POU6F2: variants seen among roughly 807,000 people sequenced by gnomAD.
POU6F2 encodes POU class 6 homeobox 2, also known as POU domain, class 6, transcription factor 2.
In POU6F2, 31 loss-of-function variants were observed where a neutral mutation model predicts 71.3. The ratio of observed to expected loss-of-function variants is 0.43; its 90% confidence interval spans 0.33 to 0.59. POU6F2 has a LOEUF of 0.59. POU6F2 is among the 20% of genes least tolerant of loss of function. The pLI is 0.04. For synonymous variants in POU6F2, 347 were observed against 355.7 expected (o/e 0.98, Z 0.27); for missense variants, 783 against 856.8 (o/e 0.91, Z 1.07).
chr7:39,456,755 CAG>C (rs1273726668), intron 8 of POU6F2, among the ~76,000 whole-genome samples: 3 of 152,200 alleles, frequency 2.0e-5, no homozygotes, highest in Non-Finnish European at 4.4e-5. Context: ...ACAAATTTTG[CAG>C]AGAGATGCTA....
intron 4 of POU6F2, among the ~76,000 whole-genome samples, chr7:39,319,003 G>A (rs1162781567): frequency 6.6e-6 from 1 of 152,130 alleles, no homozygotes; most frequent in Non-Finnish European, 1.5e-5. Flanking sequence ...TTAGTTGGAT[G>A]TGGTGGTGCA....
chr7:39,082,925 T>C (rs1159113685), intron 1 of POU6F2, among the ~76,000 whole-genome samples: 1 of 151,938 alleles, frequency 6.6e-6, no homozygotes, highest in Non-Finnish European at 1.5e-5. Context: ...AATGACAAAC[T>C]CTTGGATTTT....
At chr7:38,989,054 C>T (rs758093061) in intron 1 of POU6F2, among the ~76,000 whole-genome samples, 1 of 151,972 alleles carries the variant, frequency 6.6e-6, no homozygotes, top group Non-Finnish European at 1.5e-5. Flanking sequence ...ATGGTAGACC[C>T]GTTGGGGAGT....
In POU6F2 at chr7:39,340,010, C is replaced by G; in HGVS notation, c.967C>G (p.Leu323Val). The G allele has an allele frequency of 1.2e-6, 2 of 1,605,790 alleles. No individual in the cohort carries two copies. The highest frequency in any genetic ancestry group is 2.2e-5 in the South Asian group (2 of 90,480). The stretch of plus-strand genomic sequence containing the variant: ...TTCACCGCTCACGCCACCCAATCCT[C>G]TACAGGTATGCTCCCCGTGCTTCCC... ...LPSPLTPPNP[L>V]QLVNNPLASQ... Residue 323 changes from leucine (L) to valine (V), a missense_variant, in exon 5 of 10, where the codon CTA (leucine) becomes GTA (valine). Leu to Val is a conservative substitution (Grantham distance 32, BLOSUM62 1). This residue lies in a region of POU6F2 where 572 missense variants were observed against 572.9 expected (regional missense o/e 1.00). Transcript: ENST00000518318.
At position 39,433,809 on chromosome 7, in the gene POU6F2, G is replaced by T. The variant is rs151101715; in HGVS notation, c.1320+526G>T. 1.6e-3 allele frequency among the ~76,000 whole-genome samples: 239 copies of T among 152,308 alleles called. 1 individual carries two copies. Among genetic ancestry groups the T allele is most frequent in the African/African-American group, 5.5e-3 (228 of 41,564 alleles). ...TCAATTGAGAGCTTCCTGTGTATTTGTGCTAGAGATTGGGTCCACAGCACA... is the reference window on the plus strand; with the variant it reads ...TCAATTGAGAGCTTCCTGTGTATTTTTGCTAGAGATTGGGTCCACAGCACA... On this transcript the variant is annotated intron_variant, in intron 7 of 9. Transcript: ENST00000518318.
chr7:39,095,381 A>G lies in POU6F2; in HGVS notation c.277+9350A>G, dbSNP rs77675404. Among the ~76,000 whole-genome samples the G allele has an allele frequency of 2.5e-3, 377 of 152,308 alleles. 1 individual carries two copies. The highest frequency in any genetic ancestry group is 4.6e-3 in the Non-Finnish European group (315 of 68,020). The stretch of plus-strand genomic sequence containing the variant: ...CAACTGGAATCTGCAGGCCATCAGA[A>G]AAGTGTTAAAAATTATGCCTCGTGT... On this transcript the variant is annotated intron_variant, in intron 2 of 9. Coordinates refer to ENST00000518318, the MANE Select transcript of POU6F2 (RefSeq NM_001370959.1).
At chr7:39,085,787 G>A in intron 1 of POU6F2, 73 bp from the exon 2 acceptor site, 2 of 1,441,804 alleles carry the variant, frequency 1.4e-6, no homozygotes, top group East Asian at 2.4e-5. Context: ...GAGAGGGAGA[G>A]GGAGAGAGAG....
chr7:39,045,637 G>T (rs1442880491), intron 1 of POU6F2, among the ~76,000 whole-genome samples: 2 of 151,044 alleles, frequency 1.3e-5, no homozygotes, highest in Non-Finnish European at 3.0e-5. Flanking sequence ...TTAAATTTGT[G>T]AAGTTTCACA....
At chr7:39,199,551 A>G (rs2128744663) in intron 2 of POU6F2, among the ~76,000 whole-genome samples, 1 of 152,230 alleles carries the variant, frequency 6.6e-6, no homozygotes, top group South Asian at 2.1e-4. Context: ...GGTGACAGTT[A>G]TTGGTGACGG....
At chr7:38,988,291 T>C (rs1788510536) in intron 1 of POU6F2, among the ~76,000 whole-genome samples, 1 of 152,112 alleles carries the variant, frequency 6.6e-6, no homozygotes, top group Non-Finnish European at 1.5e-5. Flanking sequence ...AAGGACTCAT[T>C]CTCAGAAATT....
At chr7:39,187,631 G>T (rs1228024903) in intron 2 of POU6F2, among the ~76,000 whole-genome samples, 2 of 152,232 alleles carry the variant, frequency 1.3e-5, no homozygotes, top group Non-Finnish European at 2.9e-5. Flanking sequence ...TGGGGGTGAG[G>T]CAGAGAAACC....
At chr7:39,302,922 G>C (rs1784977134) in intron 4 of POU6F2, among the ~76,000 whole-genome samples, 1 of 152,194 alleles carries the variant, frequency 6.6e-6, no homozygotes, top group Admixed American at 6.5e-5. Context: ...GAATCACTTG[G>C]AGGACTTTTT....
intron 1 of POU6F2, among the ~76,000 whole-genome samples, chr7:39,049,762 A>G (rs1255980489): frequency 6.6e-6 from 1 of 152,022 alleles, no homozygotes; most frequent in Non-Finnish European, 1.5e-5. Context: ...TAATTTCTAT[A>G]TCTTTACTGA....
chr7:39,411,246 A>G (rs538334826), intron 6 of POU6F2, among the ~76,000 whole-genome samples: 1 of 152,142 alleles, frequency 6.6e-6, no homozygotes, highest in Non-Finnish European at 1.5e-5. Context: ...TGCTCTTAAC[A>G]CTTATTCAGT....
intron 1 of POU6F2, among the ~76,000 whole-genome samples, chr7:39,082,597 C>T (rs751499251): frequency 6.6e-5 from 10 of 152,058 alleles, no homozygotes; most frequent in Non-Finnish European, 1.3e-4. Flanking sequence ...TCACAGACTG[C>T]TATGGCTCTT....
chr7:39,146,459 A>G (rs1057347880), intron 2 of POU6F2, among the ~76,000 whole-genome samples: 2 of 152,202 alleles, frequency 1.3e-5, no homozygotes, highest in African/African-American at 4.8e-5. Flanking sequence ...GAGTGATATG[A>G]TTAGATTTGG....
At chr7:39,432,165 C>T (rs1788116735) in intron 6 of POU6F2, among the ~76,000 whole-genome samples, 1 of 152,156 alleles carries the variant, frequency 6.6e-6, no homozygotes, top group South Asian at 2.1e-4. Context: ...TGCCTTTCTC[C>T]TTGGCACAGT....
intron 4 of POU6F2, among the ~76,000 whole-genome samples, chr7:39,278,621 C>T (rs577428952): frequency 6.6e-6 from 1 of 152,208 alleles, no homozygotes; most frequent in East Asian, 1.9e-4. Context: ...CGTGCTTGTC[C>T]CACCCCTGTG....
At chr7:39,101,364 C>T (rs1791568385) in intron 2 of POU6F2, among the ~76,000 whole-genome samples, 1 of 152,114 alleles carries the variant, frequency 6.6e-6, no homozygotes, top group African/African-American at 2.4e-5. Flanking sequence ...CGTGAGCCGC[C>T]ATGCCAGGCT....
Sources: gnomAD v4.1 joint callset for allele counts (sites outside exome capture counted in the v4.1 genomes callset) on GRCh38, gnomAD v4.1.1 for gene constraint, gnomAD v4.1.1 regional missense constraint, MANE v1.5 for transcripts, NCBI Gene and HGNC (gene_info 2026-07-23, HGNC 2026-07-21) for gene names.